ADGRL2: variants seen among roughly 807,000 people sequenced by gnomAD.
ADGRL2 encodes calcium-independent alpha-latrotoxin receptor 2.
Under a neutral mutation model 157.4 loss-of-function variants are expected in ADGRL2, and 44 were observed. The observed-to-expected ratio is 0.28, with a 90% CI of 0.22 to 0.36. ADGRL2 has a LOEUF of 0.36. ADGRL2 is among the 10% of genes least tolerant of loss of function. The probability of loss-of-function intolerance (pLI) is 1.00; values close to 1 mark genes in which losing one functional copy is unlikely to be tolerated. For missense variants in ADGRL2, 1,510 were observed against 1,768.9 expected (o/e 0.85, Z 2.63); for synonymous variants, 585 against 624.7 (o/e 0.94, Z 0.95).
chr1:81,802,942 C>CT (rs2088497948), intron 1 of ADGRL2, among the ~76,000 whole-genome samples: 2 of 152,160 alleles, frequency 1.3e-5, no homozygotes, highest in Admixed American at 1.3e-4. Flanking sequence ...GGGGCTGCTG[C>CT]TGCCAGGGCG....
At chr1:81,665,844 G>C (rs1355045749) in intron 3 of ADGRL2, among the ~76,000 whole-genome samples, 1 of 152,082 alleles carries the variant, frequency 6.6e-6, no homozygotes, top group Non-Finnish European at 1.5e-5. Flanking sequence ...AATTATCAGA[G>C]TATCTCTGAT....
intron 1 of ADGRL2, among the ~76,000 whole-genome samples, chr1:81,413,593 T>C (rs1427585492): frequency 6.6e-6 from 1 of 152,200 alleles, no homozygotes; most frequent in Non-Finnish European, 1.5e-5. Context: ...GAAAAAAATG[T>C]CATGTCCTCG....
At chr1:81,479,106 A>G (rs912188509) in intron 2 of ADGRL2, among the ~76,000 whole-genome samples, 1 of 152,082 alleles carries the variant, frequency 6.6e-6, no homozygotes, top group Non-Finnish European at 1.5e-5. Context: ...TTTGTAACCA[A>G]TTTGTATATC....
intron 2 of ADGRL2, among the ~76,000 whole-genome samples, chr1:81,553,301 T>C (rs1362505159): frequency 3.9e-5 from 6 of 152,248 alleles, no homozygotes; most frequent in African/African-American, 1.4e-4. Flanking sequence ...GGGCATTATT[T>C]ACATATAAGA....
intron 2 of ADGRL2, among the ~76,000 whole-genome samples, chr1:81,483,829 TATAAC>T (rs1263057094): frequency 2.6e-5 from 4 of 152,182 alleles, no homozygotes; most frequent in African/African-American, 9.6e-5. Context: ...GTTTAACAAT[TATAAC>T]ATAAGCTCAC....
chr1:81,382,977 T>C (rs990975290), intron 1 of ADGRL2, among the ~76,000 whole-genome samples: 1 of 152,232 alleles, frequency 6.6e-6, no homozygotes, highest in Admixed American at 6.5e-5. Flanking sequence ...CATTTACAAT[T>C]GTCCATGCGT....
At chr1:81,583,457 G>T (rs1409272305) in intron 3 of ADGRL2, among the ~76,000 whole-genome samples, 1 of 151,842 alleles carries the variant, frequency 6.6e-6, no homozygotes, top group African/African-American at 2.4e-5. Flanking sequence ...TTCCCTAGAA[G>T]GTTCACTCTT....
intron 2 of ADGRL2, among the ~76,000 whole-genome samples, chr1:81,555,228 C>T (rs1016487190): frequency 2.0e-5 from 3 of 150,818 alleles, no homozygotes; most frequent in Admixed American, 2.0e-4. Flanking sequence ...AAACCTCACC[C>T]AGTGAGAGCC....
chr1:81,542,897 C>T (rs1352270500), intron 2 of ADGRL2, among the ~76,000 whole-genome samples: 2 of 152,088 alleles, frequency 1.3e-5, no homozygotes, highest in African/African-American at 4.8e-5. Flanking sequence ...TTCCACTATT[C>T]TATGGGAAAC....
intron 1 of ADGRL2, among the ~76,000 whole-genome samples, chr1:81,333,645 T>G (rs1661431152): frequency 6.6e-6 from 1 of 151,934 alleles, no homozygotes; most frequent in Admixed American, 6.6e-5. Context: ...CTTGAACTCT[T>G]GACCTTGTGA....
intron 1 of ADGRL2, among the ~76,000 whole-genome samples, chr1:81,331,688 G>A (rs1661278195): frequency 6.6e-6 from 1 of 152,082 alleles, no homozygotes; most frequent in Non-Finnish European, 1.5e-5. Flanking sequence ...ATTTGACAAA[G>A]TATAGAAATC....
At chr1:81,630,596 T>C (rs2148753053) in intron 3 of ADGRL2, among the ~76,000 whole-genome samples, 1 of 152,314 alleles carries the variant, frequency 6.6e-6, no homozygotes, top group Admixed American at 6.5e-5. Context: ...TGCCTCAGTT[T>C]TCCTAGAATT....
At chr1:81,880,687 C>T (rs2093964637) in intron 2 of ADGRL2, among the ~76,000 whole-genome samples, 1 of 151,088 alleles carries the variant, frequency 6.6e-6, no homozygotes. Flanking sequence ...CCCATTCCGT[C>T]CAGTGCACAC....
At chr1:81,864,066 G>A (rs1473577049) in intron 2 of ADGRL2, among the ~76,000 whole-genome samples, 1 of 152,004 alleles carries the variant, frequency 6.6e-6, no homozygotes. Flanking sequence ...TGAAAACCAC[G>A]TTAAAATTTT....
intron 1 of ADGRL2, among the ~76,000 whole-genome samples, chr1:81,754,007 C>T (rs1473554871): frequency 6.6e-6 from 1 of 152,052 alleles, no homozygotes; most frequent in Non-Finnish European, 1.5e-5. Flanking sequence ...GGAGAGAAGA[C>T]AAGGGGAGTG....
At chr1:81,501,943 C>A in intron 2 of ADGRL2, 3 of 1,613,862 alleles carry the variant, frequency 1.9e-6, no homozygotes, top group Non-Finnish European at 1.7e-6. Flanking sequence ...CTCTCTTTTC[C>A]GCCACAGCTG....
intron 15 of ADGRL2, among the ~76,000 whole-genome samples, chr1:81,969,993 T>G (rs1269895597): frequency 1.8e-5 from 2 of 111,496 alleles, no homozygotes; most frequent in African/African-American, 3.6e-5. Flanking sequence ...ATATTTAGAT[T>G]TCATAACAGA....
Position 81,420,441 on chromosome 1 carries a change from G to A in ADGRL2, c.-301-24595G>A, listed in dbSNP as rs148519838. On this transcript the variant is annotated intron_variant, in intron 1 of 24. Coordinates refer to the ADGRL2 transcript ENST00000370721. ...GCTCCCACAATAATGAAAGCAAATA[G>A]AAATTATAAGAAAATAAGTTTATCT... is the stretch of plus-strand genomic sequence containing the variant. 1.3e-3 allele frequency among the ~76,000 whole-genome samples: 191 copies of A among 152,256 alleles called. 2 individuals are homozygous for A. The highest frequency in any genetic ancestry group is 0.012 in the Admixed American group (177 of 15,296).
At chr1:81,319,722 G>A (rs188889039) in intron 1 of ADGRL2, among the ~76,000 whole-genome samples, 40 of 152,196 alleles carry the variant, frequency 2.6e-4, no homozygotes, top group African/African-American at 9.4e-4. Context: ...GGCAATAATC[G>A]TAGAGGAAAA....
Sources: allele counts gnomAD v4.1 joint callset (sites outside exome capture counted in the v4.1 genomes callset), GRCh38; gene constraint gnomAD v4.1.1; transcripts MANE v1.5; gene names NCBI Gene and HGNC (gene_info 2026-07-23, HGNC 2026-07-21).